The following CPNE9 variants were observed in gnomAD, a reference collection of about 807,000 sequenced individuals.
The protein encoded by CPNE9 is copine-9.
CPNE9 carries 59 observed loss-of-function variants against 83.0 expected under a neutral mutation model. That is an observed-to-expected ratio of 0.71 (90% CI 0.58 to 0.88). CPNE9 has a LOEUF of 0.88. CPNE9 is among the 40% of genes least tolerant of loss of function. CPNE9 has a pLI of 0.00. For synonymous variants in CPNE9, 256 were observed against 273.4 expected, an observed-to-expected ratio of 0.94 and a Z score of 0.63; for missense variants, 619 against 720.8, an observed-to-expected ratio of 0.86 and a Z score of 1.62.
chr3:9,729,646 C>T lies in CPNE9; in HGVS notation c.1616C>T (p.Pro539Leu). ...MRTRDIQPRP[P>L]PPANPSPIPA... The stretch of plus-strand genomic sequence containing the variant: ...ACCAGAGACATCCAGCCTCGGCCCC[C>T]ACCCCCTGCCAACCCCAGCCCGATC... The change falls in exon 21 of 21, where the codon CCA (proline) becomes CTA (leucine). Residue 539 changes from proline to leucine, a missense_variant. Physicochemically the swap from Pro to Leu is moderately conservative, Grantham distance 98. Around this residue, in one of 3 missense-constraint regions of CPNE9, gnomAD observed 51 missense variants for 40.4 expected, o/e 1.26. Coordinates refer to ENST00000383832, the MANE Select transcript of CPNE9 (RefSeq NM_153635.3). 6.2e-7 allele frequency: 1 copy of T among 1,614,100 alleles called. No homozygotes were observed. The highest frequency in any genetic ancestry group is 1.1e-5 in the South Asian group (1 of 91,084).
Position 9,714,811 on chromosome 3 carries a change from CAGAT to C in CPNE9, c.651-102_651-99del. The C allele has an allele frequency of 3.1e-6, 3 of 971,092 alleles. No individual in the cohort carries two copies. The South Asian group carries it at 4.6e-5, about 15-fold the overall frequency. The allele number at this position is 971,092 out of a possible 1,614,324, so 60.2% of individuals were successfully genotyped here. Reference sequence around the variant, plus strand: ...AAAGATGAACAACTTAATGGGAAGACAGATGGGTGGATGGGGAGATGATATGTGT... The same window carrying C: ...AAAGATGAACAACTTAATGGGAAGACGGGTGGATGGGGAGATGATATGTGT... On this transcript the variant is annotated intron_variant, in intron 10 of 20. Coordinates refer to ENST00000383832, the MANE Select transcript of CPNE9 (RefSeq NM_153635.3).
At position 9,704,211 on chromosome 3, in the gene CPNE9, G is replaced by C. The variant is rs1045261336; in HGVS notation, c.68+147G>C. The C allele has an allele frequency of 1.9e-5, 15 of 787,564 alleles. No individual in the cohort carries two copies. Among genetic ancestry groups the C allele is most frequent in the Non-Finnish European group, 3.0e-5 (15 of 499,884 alleles). 48.8% of individuals were successfully genotyped at this position (787,564 alleles called of 1,614,324 possible). A position where few individuals can be genotyped will look rare whatever the true frequency, so the allele number is the denominator to read the frequency against. ...CAGCTGATGACAGGGCGAGTAGCTG[G>C]TGGGATCGAGAAGCGGGGGGTCTTG... On this transcript the variant is annotated intron_variant, in intron 1 of 20. Transcript: ENST00000383832. This position sits in a 1 kb window ranked among gnomAD's most constrained non-coding sequence, Gnocchi z 7.1.
chr3:9,708,748 T>C (rs1318970440), intron 7 of CPNE9, among the ~76,000 whole-genome samples: 2 of 151,898 alleles, frequency 1.3e-5, no homozygotes, highest in African/African-American at 4.8e-5. Flanking sequence ...TTCTCCTGCC[T>C]CAGCCTCCGG....
chr3:9,704,881 C>T lies in CPNE9; in HGVS notation c.157-10C>T. ...CACGTCCCACGCTGACCCTCCACCC[C>T]CCTACCCAGTTCGGACGGACCGAGG... On this transcript the variant is annotated splice_polypyrimidine_tract_variant and intron_variant, in intron 3 of 20. Transcript: ENST00000383832. This position sits in a 1 kb window ranked among gnomAD's most constrained non-coding sequence, Gnocchi z 7.1. The T allele has an allele frequency of 1.2e-6, 2 of 1,610,804 alleles. No individual in the cohort carries two copies. Among genetic ancestry groups the T allele is most frequent in the African/African-American group, 1.3e-5 (1 of 74,978 alleles).
intron 15 of CPNE9, 33 bp from the exon 16 acceptor site, chr3:9,717,996 G>T: frequency 6.4e-7 from 1 of 1,565,342 alleles, no homozygotes; most frequent in South Asian, 1.2e-5. Flanking sequence ...TGATCCAGAT[G>T]ATCATGAGGC....
At chr3:9,728,157 T>C (rs1015907283) in intron 20 of CPNE9, among the ~76,000 whole-genome samples, 1 of 152,166 alleles carries the variant, frequency 6.6e-6, no homozygotes, top group Non-Finnish European at 1.5e-5. Flanking sequence ...AGTGGTAATA[T>C]GGGCAACTAA....
chr3:9,725,644 G>A (rs1326910389), intron 17 of CPNE9, among the ~76,000 whole-genome samples: 62 of 91,930 alleles, frequency 6.7e-4, no homozygotes, highest in Non-Finnish European at 4.9e-4. Flanking sequence ...ATACATGTAT[G>A]TGTATATATG....
rs555892581 is a variant in CPNE9, at chr3:9,726,502, T to C, written c.1345-163T>C. Among the ~76,000 whole-genome samples the C allele has an allele frequency of 3.3e-5, 5 of 152,298 alleles. No homozygotes were observed. In the South Asian group the frequency reaches 8.3e-4, roughly 25 times the overall value. On this transcript the variant is annotated intron_variant, in intron 18 of 20. Coordinates refer to ENST00000383832, the MANE Select transcript of CPNE9 (RefSeq NM_153635.3). ...CTATATCTTTCAAGGCTGCTTGATA[T>C]AGAAACATCCTTGAAAAAGTAGTCT...
chr3:9,718,676 G>C lies in CPNE9; in HGVS notation c.1241+74G>C. 6.5e-6 allele frequency: 10 copies of C among 1,544,634 alleles called. 1 individual carries two copies. Among genetic ancestry groups the C allele is most frequent in the African/African-American group, 2.7e-5 (2 of 73,160 alleles). On this transcript the variant is annotated intron_variant, in intron 17 of 20. Coordinates refer to ENST00000383832, the MANE Select transcript of CPNE9 (RefSeq NM_153635.3). ...GGATTGACCCCCCAAGGATAGTCAGGAGCACTCTAAGTAATTTAGGATGAT... is the reference window on the plus strand; with the variant it reads ...GGATTGACCCCCCAAGGATAGTCAGCAGCACTCTAAGTAATTTAGGATGAT...
intron 17 of CPNE9, 66 bp from the exon 18 acceptor site, chr3:9,725,883 T>C: frequency 8.2e-7 from 1 of 1,226,726 alleles, no homozygotes. Flanking sequence ...GTGGAAGCTC[T>C]GGGGGTAAGG....
chr3:9,722,478 C>G (rs9877412), intron 17 of CPNE9, among the ~76,000 whole-genome samples: 41,132 of 151,814 alleles, frequency 0.27, 5,841 homozygotes, highest in East Asian at 0.49. Context: ...CCTGTGCCCC[C>G]AAACCCTTCC....
chr3:9,709,575 G>A (rs1014892835), intron 7 of CPNE9, among the ~76,000 whole-genome samples: 6 of 151,602 alleles, frequency 4.0e-5, no homozygotes, highest in South Asian at 2.1e-4. Context: ...TCGCCACCGT[G>A]GCCAGGCTGG....
chr3:9,716,122 C>A, intron 14 of CPNE9, 87 bp downstream of exon 14: 5 of 1,183,798 alleles, frequency 4.2e-6, no homozygotes, highest in South Asian at 3.9e-5. Context: ...TATGAATGGT[C>A]AGGGCCCAGT....
intron 6 of CPNE9, 106 bp from the exon 7 acceptor site, chr3:9,705,881 C>A: frequency 7.2e-7 from 1 of 1,391,864 alleles, no homozygotes; most frequent in South Asian, 1.2e-5. Context: ...TTGCACCACT[C>A]ATTCGCCTGG....
rs771676105 is a variant in CPNE9 at position 9,727,190 on chromosome 3, G to T, written c.1476+4G>T. 6.2e-7 allele frequency: 1 copy of T among 1,614,200 alleles called. No homozygotes were observed. Among genetic ancestry groups the T allele is most frequent in the South Asian group, 1.1e-5 (1 of 91,086 alleles). On this transcript the variant is annotated splice_donor_region_variant and intron_variant, in intron 20 of 20. Transcript: ENST00000383832. ...CGCAGAGCGGGACATCGTTCAGGTA[G>T]ACCTGACGTGGGAGAGGCTGTGGAG...
Position 9,709,968 on chromosome 3 carries a change from C to T in CPNE9, c.378-2573C>T, listed in dbSNP as rs932562369. Among the ~76,000 whole-genome samples, 52 of 138,942 alleles carry T rather than the reference C, an allele frequency of 3.7e-4. No individual in the cohort carries two copies. The East Asian group carries it at 5.2e-3, about 14-fold the overall frequency. The allele number at this position is 138,942 out of a possible 152,430, so 91.2% of individuals were successfully genotyped here. A position where few individuals can be genotyped will look rare whatever the true frequency, so the allele number is the denominator to read the frequency against. ...TCACACCATTGCACTCCAGCCTGGG[C>T]GACAAAGCAAGACTCCATCTCAAAA... On this transcript the variant is annotated intron_variant, in intron 7 of 20. Transcript: ENST00000383832.
chr3:9,708,643 CT>C (rs71626934), intron 7 of CPNE9, among the ~76,000 whole-genome samples: 13 of 151,988 alleles, frequency 8.6e-5, no homozygotes, highest in South Asian at 6.3e-4. Flanking sequence ...GTCAAGGAAT[CT>C]TTTTTTTGAG....
intron 17 of CPNE9, among the ~76,000 whole-genome samples, chr3:9,723,082 T>C (rs2076747907): frequency 6.6e-6 from 1 of 152,178 alleles, no homozygotes; most frequent in East Asian, 1.9e-4. Flanking sequence ...AGGTATGCAA[T>C]TGCTATTTAT....
intron 10 of CPNE9, among the ~76,000 whole-genome samples, chr3:9,713,428 G>A (rs1415473239): frequency 2.6e-5 from 4 of 152,216 alleles, no homozygotes; most frequent in African/African-American, 4.8e-5. Context: ...ATTGATGGGT[G>A]GGTAGAGGGG....
Sources: allele counts gnomAD v4.1 joint callset (sites outside exome capture counted in the v4.1 genomes callset), GRCh38; gene constraint gnomAD v4.1.1; regional missense constraint gnomAD v4.1.1; non-coding constraint Gnocchi (gnomAD v3.1); transcripts MANE v1.5; gene names NCBI Gene and HGNC (gene_info 2026-07-23, HGNC 2026-07-21).